CADM2: variants seen among roughly 807,000 people sequenced by gnomAD.
The protein encoded by CADM2 is cell adhesion molecule 2.
CADM2 carries 12 observed loss-of-function variants against 49.8 expected under a neutral mutation model. That is an observed-to-expected ratio of 0.24 (90% CI 0.15 to 0.39). The LOEUF (loss-of-function observed/expected upper bound fraction) is 0.39, where lower values mean the gene tolerates loss of function less well. Among genes scored for constraint, CADM2 ranks in the 10% least tolerant of loss-of-function variants. CADM2 has a pLI of 1.00. For synonymous variants in CADM2, 214 were observed against 175.4 expected (o/e 1.22, Z -1.74); for missense variants, 378 against 492.3 (o/e 0.77, Z 2.20).
intron 8 of CADM2, among the ~76,000 whole-genome samples, chr3:86,016,168 A>G (rs1162104252): frequency 6.6e-6 from 1 of 152,092 alleles, no homozygotes; most frequent in African/African-American, 2.4e-5. Flanking sequence ...TTCTAATACT[A>G]TAGTGGTAAA....
chr3:85,342,044 G>A (rs989894016), intron 1 of CADM2, among the ~76,000 whole-genome samples: 1 of 152,126 alleles, frequency 6.6e-6, no homozygotes, highest in African/African-American at 2.4e-5. Flanking sequence ...CTTCTGAACA[G>A]CAAAAGAAAC....
chr3:84,984,067 A>G (rs1559602202), intron 1 of CADM2, among the ~76,000 whole-genome samples: 1 of 151,736 alleles, frequency 6.6e-6, no homozygotes, highest in Non-Finnish European at 1.5e-5. Flanking sequence ...ACACACACAC[A>G]CACACACACA....
At chr3:85,822,352 G>A (rs1185378004) in intron 3 of CADM2, among the ~76,000 whole-genome samples, 3 of 152,140 alleles carry the variant, frequency 2.0e-5, no homozygotes, top group African/African-American at 7.2e-5. Context: ...GGGAGGCCGA[G>A]GCAGGCAGAT....
intron 1 of CADM2, among the ~76,000 whole-genome samples, chr3:85,696,037 T>C (rs1259149259): frequency 1.3e-5 from 2 of 152,272 alleles, no homozygotes; most frequent in Non-Finnish European, 2.9e-5. Context: ...TTTAGCATTT[T>C]TCATATGTTT....
At chr3:85,920,641 C>T (rs1337129501) in intron 6 of CADM2, among the ~76,000 whole-genome samples, 1 of 151,446 alleles carries the variant, frequency 6.6e-6, no homozygotes, top group Non-Finnish European at 1.5e-5. Flanking sequence ...GCTCATGAGA[C>T]AAATATTGTT....
intron 1 of CADM2, among the ~76,000 whole-genome samples, chr3:85,226,631 G>T (rs1302149361): frequency 1.3e-5 from 2 of 151,564 alleles, no homozygotes; most frequent in African/African-American, 4.9e-5. Context: ...ATCTCCTTCA[G>T]TTCTGCCTTG....
In CADM2 at chr3:86,030,628, G is replaced by C. The variant is rs554337963; in HGVS notation, c.971-34977G>C. Among the ~76,000 whole-genome samples the C allele has an allele frequency of 5.3e-5, 8 of 151,956 alleles. No homozygotes were observed. In the South Asian group the frequency reaches 1.7e-3, roughly 31 times the overall value. On this transcript the variant is annotated intron_variant, in intron 8 of 9. Transcript: ENST00000383699. ...AATTCAGTGACTGAAATCTTGCTTT[G>C]TAAGCTCAGAAACTCAATTTTATTA... is the stretch of plus-strand genomic sequence containing the variant.
At chr3:85,949,590 A>G (rs879294774) in intron 7 of CADM2, among the ~76,000 whole-genome samples, 1 of 151,264 alleles carries the variant, frequency 6.6e-6, no homozygotes, top group Non-Finnish European at 1.5e-5. Context: ...CATCTAAATG[A>G]TTTAAAAAAT....
At chr3:85,345,402 T>C (rs1032587758) in intron 1 of CADM2, among the ~76,000 whole-genome samples, 3 of 148,804 alleles carry the variant, frequency 2.0e-5, no homozygotes, top group Admixed American at 2.0e-4. Context: ...AAACAAAAAA[T>C]TGAATCACTT....
At chr3:85,441,985 G>A (rs1404271064) in intron 1 of CADM2, among the ~76,000 whole-genome samples, 1 of 151,992 alleles carries the variant, frequency 6.6e-6, no homozygotes, top group Non-Finnish European at 1.5e-5. Flanking sequence ...ACCTGATTAA[G>A]TCTAATATCA....
chr3:85,487,592 AAGGAGGAAGTGGAGGAGGAGG>A (rs1323172966), intron 1 of CADM2, among the ~76,000 whole-genome samples: 7 of 127,124 alleles, frequency 5.5e-5, no homozygotes, highest in African/African-American at 1.5e-4. Context: ...GGAGGAGGAG[AAGGAGGAAGTGGAGGAGGAGG>A]AGGAGGAAGT....
intron 1 of CADM2, among the ~76,000 whole-genome samples, chr3:85,713,138 C>A (rs1027118138): frequency 6.6e-6 from 1 of 152,134 alleles, no homozygotes; most frequent in Non-Finnish European, 1.5e-5. Context: ...ACTCTTATCT[C>A]CCAGGCTGGA....
Position 85,792,483 on chromosome 3 carries a change from C to G in CADM2, c.89-9564C>G, listed in dbSNP as rs138256050. On this transcript the variant is annotated intron_variant, in intron 2 of 9. Coordinates refer to ENST00000383699, the MANE Select transcript of CADM2 (RefSeq NM_001167675.2). Reference sequence around the variant, plus strand: ...GAATAGTGAGAGGACTTAAGTTCCTCTTAAATAGCTCACAAAATTTGATCA... The same window carrying G: ...GAATAGTGAGAGGACTTAAGTTCCTGTTAAATAGCTCACAAAATTTGATCA... 2.5e-3 allele frequency among the ~76,000 whole-genome samples: 375 copies of G among 152,316 alleles called. 1 individual carries two copies. The highest frequency in any genetic ancestry group is 8.8e-3 in the African/African-American group (364 of 41,580).
intron 1 of CADM2, among the ~76,000 whole-genome samples, chr3:85,573,764 G>C (rs1406247253): frequency 1.3e-5 from 2 of 152,076 alleles, no homozygotes; most frequent in Non-Finnish European, 2.9e-5. Context: ...AAGTTTACGT[G>C]ATCTTATTCC....
At chr3:85,138,815 C>T (rs192791133) in intron 1 of CADM2, among the ~76,000 whole-genome samples, 258 of 152,230 alleles carry the variant, frequency 1.7e-3, no homozygotes, top group Non-Finnish European at 2.1e-3. Context: ...TTGCCCAACA[C>T]GTTCACATTT....
At chr3:85,965,749 A>C (rs1472226436) in intron 8 of CADM2, among the ~76,000 whole-genome samples, 3 of 151,570 alleles carry the variant, frequency 2.0e-5, no homozygotes, top group Non-Finnish European at 4.4e-5. Flanking sequence ...AACTACCCGA[A>C]TGTGCATCCA....
At chr3:85,826,810 T>G (rs2073936630) in intron 3 of CADM2, among the ~76,000 whole-genome samples, 1 of 152,030 alleles carries the variant, frequency 6.6e-6, no homozygotes, top group African/African-American at 2.4e-5. Flanking sequence ...AAGTTTTATT[T>G]TTGTTAAACG....
At chr3:85,910,039 T>C (rs1717368107) in intron 5 of CADM2, among the ~76,000 whole-genome samples, 1 of 152,214 alleles carries the variant, frequency 6.6e-6, no homozygotes, top group African/African-American at 2.4e-5. Flanking sequence ...TTGTTTATTT[T>C]ACTTGAATTA....
intron 1 of CADM2, among the ~76,000 whole-genome samples, chr3:85,498,551 C>T (rs1274263310): frequency 6.6e-6 from 1 of 152,100 alleles, no homozygotes; most frequent in African/African-American, 2.4e-5. Context: ...TTGCATAACA[C>T]TGCTGTGAGG....
Sources: allele counts gnomAD v4.1 joint callset (sites outside exome capture counted in the v4.1 genomes callset), GRCh38; gene constraint gnomAD v4.1.1; transcripts MANE v1.5; gene names NCBI Gene and HGNC (gene_info 2026-07-23, HGNC 2026-07-21).